The following FBN2 variants were observed in gnomAD, a reference collection of about 807,000 sequenced individuals.
FBN2 encodes fibrillin-2.
In FBN2, 105 loss-of-function variants were observed where a neutral mutation model predicts 355.6. That is an observed-to-expected ratio of 0.30 (90% CI 0.25 to 0.35). The LOEUF (loss-of-function observed/expected upper bound fraction) is 0.35, where lower values mean the gene tolerates loss of function less well. Ranked by LOEUF, FBN2 falls within the 10% of genes least tolerant of loss-of-function variation. The pLI is 1.00. For missense variants in FBN2, 3,280 were observed against 3,758.7 expected (o/e 0.87, Z 3.33); for synonymous variants, 1,350 against 1,301.2 (o/e 1.04, Z -0.81).
At chr5:128,317,805 G>A (rs1750249481) in intron 36 of FBN2, among the ~76,000 whole-genome samples, 1 of 152,100 alleles carries the variant, frequency 6.6e-6, no homozygotes, top group South Asian at 2.1e-4. Context: ...CCTTCCAGTA[G>A]GCAGGAGAAA....
chr5:128,316,474 T>C (rs1354743674), intron 36 of FBN2, among the ~76,000 whole-genome samples: 3 of 152,152 alleles, frequency 2.0e-5, no homozygotes, highest in Admixed American at 1.3e-4. Flanking sequence ...TAAGAATGAG[T>C]GAACGCAATA....
intron 62 of FBN2, among the ~76,000 whole-genome samples, chr5:128,267,770 T>C (rs1273682581): frequency 6.6e-6 from 1 of 152,254 alleles, no homozygotes; most frequent in Non-Finnish European, 1.5e-5. Context: ...TTCTGTAGGT[T>C]GCTTGTTCAC....
At chr5:128,465,083 T>G (rs553458745) in intron 5 of FBN2, among the ~76,000 whole-genome samples, 162 bp from the exon 6 acceptor site, 38 of 152,354 alleles carry the variant, frequency 2.5e-4, no homozygotes, top group African/African-American at 8.7e-4. Context: ...TTTCCATTCA[T>G]GAGAAGTACC....
At chr5:128,294,161 A>G (rs1749425912) in intron 48 of FBN2, among the ~76,000 whole-genome samples, 1 of 152,184 alleles carries the variant, frequency 6.6e-6, no homozygotes, top group Non-Finnish European at 1.5e-5. Context: ...TACAAAGGAC[A>G]TGAACTCATC....
chr5:128,510,599 ATT>A (rs1439027625), intron 5 of FBN2, among the ~76,000 whole-genome samples: 1 of 152,186 alleles, frequency 6.6e-6, no homozygotes, highest in African/African-American at 2.4e-5. Context: ...AGAAGTCTGA[ATT>A]TTGTTTTAAG....
chr5:128,403,324 C>T (rs1373382566), intron 8 of FBN2, among the ~76,000 whole-genome samples: 2 of 152,132 alleles, frequency 1.3e-5, no homozygotes, highest in Admixed American at 6.5e-5. Context: ...TGCACTAACA[C>T]GTTTGGAAAG....
At chr5:128,457,155 T>C (rs1581313919) in intron 6 of FBN2, among the ~76,000 whole-genome samples, 1 of 152,064 alleles carries the variant, frequency 6.6e-6, no homozygotes, top group Non-Finnish European at 1.5e-5. Context: ...TCATGAAGCA[T>C]ACACAAGTAT....
chr5:128,307,729 C>A (rs1286466682), intron 41 of FBN2, among the ~76,000 whole-genome samples: 1 of 150,582 alleles, frequency 6.6e-6, no homozygotes. Flanking sequence ...AAAAACAATG[C>A]ATTATGAAAT....
At chr5:128,283,590 G>A (rs1038292185) in intron 55 of FBN2, among the ~76,000 whole-genome samples, 1 of 152,168 alleles carries the variant, frequency 6.6e-6, no homozygotes, top group Non-Finnish European at 1.5e-5. Context: ...CTGGGAAGGA[G>A]CCCTGCTCCT....
chr5:128,438,130 C>T (rs1753824067), intron 7 of FBN2, among the ~76,000 whole-genome samples: 2 of 152,138 alleles, frequency 1.3e-5, no homozygotes, highest in African/African-American at 4.8e-5. Flanking sequence ...TAGCTGGGAC[C>T]ACATGCACAT....
intron 20 of FBN2, among the ~76,000 whole-genome samples, chr5:128,352,666 T>C (rs767813018): frequency 6.6e-6 from 1 of 152,154 alleles, no homozygotes; most frequent in Non-Finnish European, 1.5e-5. Context: ...ACCAAGACAC[T>C]TGTTAAAATG....
chr5:128,479,952 C>CTT (rs1755110525), intron 5 of FBN2, among the ~76,000 whole-genome samples: 1 of 33,666 alleles, frequency 3.0e-5, no homozygotes, highest in Non-Finnish European at 5.7e-5. Flanking sequence ...CTCTCTCTCT[C>CTT]TCTCTCTCTC....
rs1209852880 is a variant in FBN2 at position 128,263,565 on chromosome 5, G to T, written c.8052C>A (p.Phe2684Leu). ...GSYKCACPSG[F>L]SFDQFSSACH... is the part of the protein sequence containing the mutation. The stretch of plus-strand genomic sequence containing the variant: ...AGGCACTGGAGAACTGGTCGAAGGA[G>T]AACCCCGAGGGGCAGGCGCACTTGT... The change falls in exon 63 of 65, where the codon TTC becomes TTA. Residue 2684 changes from phenylalanine to leucine, a missense_variant. Transcript: ENST00000262464. The T allele has an allele frequency of 6.2e-7, 1 of 1,614,146 alleles. No homozygotes were observed. Among genetic ancestry groups the T allele is most frequent in the South Asian group, 1.1e-5 (1 of 91,082 alleles).
At chr5:128,363,082 C>T (rs1751678849) in intron 18 of FBN2, among the ~76,000 whole-genome samples, 1 of 152,150 alleles carries the variant, frequency 6.6e-6, no homozygotes, top group Non-Finnish European at 1.5e-5. Flanking sequence ...AAGGACTAGA[C>T]TACCATAGCT....
chr5:128,452,642 A>G (rs184556094), intron 6 of FBN2, among the ~76,000 whole-genome samples: 15 of 152,326 alleles, frequency 9.8e-5, no homozygotes, highest in Admixed American at 5.9e-4. Context: ...AATTACTACT[A>G]TATTTCATAG....
chr5:128,487,568 C>CCTTT (rs1755372525), intron 5 of FBN2, among the ~76,000 whole-genome samples: 1 of 152,080 alleles, frequency 6.6e-6, no homozygotes, highest in African/African-American at 2.4e-5. Context: ...CCCAAAAAGA[C>CCTTT]CGTAAGTACA....
chr5:128,310,392 ATATATATATATTTTTT>A (rs1467478048), intron 39 of FBN2, among the ~76,000 whole-genome samples: 142 of 29,782 alleles, frequency 4.8e-3, no homozygotes, highest in South Asian at 0.025. Context: ...ATATATATAT[ATATATATATATTTTTT>A]TTTTTTTTTT....
intron 20 of FBN2, among the ~76,000 whole-genome samples, chr5:128,352,840 T>C (rs1751403533): frequency 6.6e-6 from 1 of 152,220 alleles, no homozygotes; most frequent in African/African-American, 2.4e-5. Flanking sequence ...ATTCCTATAG[T>C]ATTTATTTGA....
intron 20 of FBN2, among the ~76,000 whole-genome samples, chr5:128,353,565 T>C (rs937370363): frequency 1.3e-5 from 2 of 152,234 alleles, no homozygotes; most frequent in Non-Finnish European, 2.9e-5. Context: ...GTAAAGCTAC[T>C]GTGTATTTAA....
Sources: allele counts gnomAD v4.1 joint callset (sites outside exome capture counted in the v4.1 genomes callset), GRCh38; gene constraint gnomAD v4.1.1; transcripts MANE v1.5; gene names NCBI Gene and HGNC (gene_info 2026-07-23, HGNC 2026-07-21).